LAMTOR4: variants seen among roughly 807,000 people sequenced by gnomAD.
LAMTOR4 encodes the protein ragulator complex protein LAMTOR4.
A neutral mutation model predicts 13.5 loss-of-function variants in LAMTOR4; 11 were observed. The ratio of observed to expected loss-of-function variants is 0.82; its 90% CI spans 0.51 to 1.35. The LOEUF (loss-of-function observed/expected upper bound fraction) is 1.35. Ranked by LOEUF, LAMTOR4 falls within the 40% of genes most tolerant of loss-of-function variation. LAMTOR4 has a pLI of 0.00. For missense variants in LAMTOR4, 128 were observed against 126.2 expected, an observed-to-expected ratio of 1.01 and a Z score of -0.07; for synonymous variants, 69 against 52.3, an observed-to-expected ratio of 1.32 and a Z score of -1.38.
intron 2 of LAMTOR4, among the ~76,000 whole-genome samples, chr7:100,151,247 G>T (rs1798689816): frequency 1.3e-5 from 2 of 150,836 alleles, no homozygotes; most frequent in African/African-American, 4.9e-5. Context: ...GCTAATTTTT[G>T]TATTTTTAGT....
At position 100,151,001 on chromosome 7, in the gene LAMTOR4, A is replaced by C. The variant is rs532084643; in HGVS notation, c.84+1422A>C. Among the ~76,000 whole-genome samples the C allele has an allele frequency of 2.1e-4, 32 of 151,690 alleles. No homozygotes were observed. In the South Asian group the frequency reaches 3.3e-3, roughly 16 times the overall value. ...AAGACTCCGTCTCAAAAAAAACAAA[A>C]AAAAAAAGAGATGAGACTGGGCAAG... On this transcript the variant is annotated intron_variant, in intron 2 of 3. Transcript: ENST00000341942.
rs1461400217 is a variant in LAMTOR4, at chr7:100,153,782, C to T, written c.203-85C>T. 4 of 950,784 alleles carry T rather than the reference C, an allele frequency of 4.2e-6. No individual in the cohort carries two copies. In the East Asian group the frequency reaches 1.0e-4, roughly 25 times the overall value. 58.9% of individuals were successfully genotyped at this position (950,784 alleles called of 1,614,324 possible). ...TTGATCCCAGCCAATGTGCGTGTGG[C>T]CCCGCCCCATGGAGTCTGTTGCACC... On this transcript the variant is annotated intron_variant, in intron 3 of 3. Coordinates refer to ENST00000341942, the MANE Select transcript of LAMTOR4 (RefSeq NM_001008395.4).
At position 100,154,132 on chromosome 7, in the gene LAMTOR4, G is replaced by A; in HGVS notation, c.*168G>A. 1.7e-6 allele frequency: 1 copy of A among 604,394 alleles called. No individual in the cohort carries two copies. Among genetic ancestry groups the A allele is most frequent in the Non-Finnish European group, 3.0e-6 (1 of 334,938 alleles). 37.4% of individuals were successfully genotyped at this position (604,394 alleles called of 1,614,324 possible). On this transcript the variant is annotated 3_prime_UTR_variant, in exon 4 of 4. Coordinates refer to ENST00000341942, the MANE Select transcript of LAMTOR4 (RefSeq NM_001008395.4). ...GCTTGGGGACTCTGAGCTGTGTTAAGGAGAACAAGGGCAAGGAGACCTCCC... is the reference window on the plus strand; with the variant it reads ...GCTTGGGGACTCTGAGCTGTGTTAAAGAGAACAAGGGCAAGGAGACCTCCC...
chr7:100,153,626 G>A (rs1371015189), intron 3 of LAMTOR4, 109 bp downstream of exon 3: 1 of 1,010,418 alleles, frequency 9.9e-7, no homozygotes, highest in Admixed American at 1.7e-5. Flanking sequence ...GGGGTCTCTG[G>A]TCTGGCCACT....
intron 2 of LAMTOR4, among the ~76,000 whole-genome samples, chr7:100,150,801 C>T (rs1423103355): frequency 4.0e-5 from 6 of 151,702 alleles, no homozygotes; most frequent in South Asian, 2.1e-4. Flanking sequence ...CTGGCCAACA[C>T]GGTGAAACCC....
chr7:100,153,513 G>T lies in LAMTOR4; in HGVS notation c.198G>T (p.Leu66=), dbSNP rs1322768106. The T allele has an allele frequency of 6.2e-7, 1 of 1,606,268 alleles. No individual in the cohort carries two copies. Among genetic ancestry groups the T allele is most frequent in the Admixed American group, 1.7e-5 (1 of 60,016 alleles). ...HRGMNVPFKR[L]SVVFGEHTLL... ...GCATGAATGTGCCCTTCAAGCGCCTGTCTGGTGAGCCCCTGCCCCTGCCCT... is the reference window on the plus strand; with the variant it reads ...GCATGAATGTGCCCTTCAAGCGCCTTTCTGGTGAGCCCCTGCCCCTGCCCT... The change falls in exon 3 of 4, where the codon CTG becomes CTT. Residue 66 remains leucine (L), a synonymous_variant. Transcript: ENST00000341942.
At chr7:100,151,097 CAG>C (rs1798685243) in intron 2 of LAMTOR4, among the ~76,000 whole-genome samples, 2 of 151,180 alleles carry the variant, frequency 1.3e-5, no homozygotes, top group African/African-American at 4.9e-5. Context: ...TTTTTTGAGA[CAG>C]AGTCTCGCTC....
At chr7:100,149,670 G>T in intron 2 of LAMTOR4, 91 bp downstream of exon 2, 1 of 979,334 alleles carries the variant, frequency 1.0e-6, no homozygotes, top group Non-Finnish European at 1.6e-6. Context: ...CTTTTATCTG[G>T]TTTCCTGCCT....
At chr7:100,149,754 A>C in intron 2 of LAMTOR4, 175 bp downstream of exon 2, 1 of 547,572 alleles carries the variant, frequency 1.8e-6, no homozygotes, top group Non-Finnish European at 3.3e-6. Context: ...GTGGAATCTT[A>C]GTCTCCTAAC....
At chr7:100,153,333 T>C in intron 2 of LAMTOR4, 67 bp from the exon 3 acceptor site, 1 of 1,119,200 alleles carries the variant, frequency 8.9e-7, no homozygotes, top group Non-Finnish European at 1.3e-6. Context: ...AAGGGGACTG[T>C]GCCTGGAATT....
At chr7:100,153,834 C>T (rs1399795452) in intron 3 of LAMTOR4, 33 bp from the exon 4 acceptor site, 11 of 1,478,546 alleles carry the variant, frequency 7.4e-6, no homozygotes, top group Admixed American at 5.9e-5. Context: ...CCTTCCCTCT[C>T]CTGGGGCGGG....
intron 2 of LAMTOR4, among the ~76,000 whole-genome samples, chr7:100,150,937 C>T (rs1026668254): frequency 1.4e-5 from 2 of 147,936 alleles, no homozygotes; most frequent in East Asian, 2.0e-4. Flanking sequence ...TGCAGTTAGC[C>T]GAGATCACAC....
At chr7:100,152,136 G>A (rs760646516) in intron 2 of LAMTOR4, among the ~76,000 whole-genome samples, 12 of 152,318 alleles carry the variant, frequency 7.9e-5, no homozygotes, top group Non-Finnish European at 1.0e-4. Context: ...ATGTCCCTGC[G>A]TGGTGGCTCA....
intron 3 of LAMTOR4, 87 bp from the exon 4 acceptor site, chr7:100,153,780 G>A: frequency 2.1e-6 from 2 of 948,060 alleles, no homozygotes; most frequent in South Asian, 2.8e-5. Flanking sequence ...ATGTGCGTGT[G>A]GCCCCGCCCC....
Position 100,153,952 on chromosome 7 carries a change from C to T in LAMTOR4, c.288C>T (p.Pro96=). The T allele has an allele frequency of 6.3e-7, 1 of 1,586,520 alleles. No individual in the cohort carries two copies. The highest frequency in any genetic ancestry group is 8.6e-7 in the Non-Finnish European group (1 of 1,166,768). Residue 96 remains proline (P), a synonymous_variant, in exon 4 of 4, where the codon CCC becomes CCT. Transcript: ENST00000341942. ...VVKRQNRGRE[P]IDV is the part of the protein sequence containing the mutation. ...AGAGGCAGAACCGAGGTCGGGAGCC[C>T]ATTGATGTCTGAGCCTGCCGGAGGG...
At chr7:100,153,610 T>C (rs1483592841) in intron 3 of LAMTOR4, 93 bp downstream of exon 3, 1 of 1,108,924 alleles carries the variant, frequency 9.0e-7, no homozygotes, top group South Asian at 1.2e-5. Flanking sequence ...CCTCCTACCA[T>C]CTCCTGGGGT....
chr7:100,153,913 G>A lies in LAMTOR4; in HGVS notation c.249G>A (p.Arg83=). The change falls in exon 4 of 4, where the codon AGG becomes AGA. Residue 83 remains arginine, a synonymous_variant. Coordinates refer to ENST00000341942, the MANE Select transcript of LAMTOR4 (RefSeq NM_001008395.4). ...TGCTGGTGACGGTGTCAGGACAGAGGGTGTTTGTGGTGAAGAGGCAGAACC... is the reference window on the plus strand; with the variant it reads ...TGCTGGTGACGGTGTCAGGACAGAGAGTGTTTGTGGTGAAGAGGCAGAACC... The part of the protein sequence containing the change: ...HTLLVTVSGQ[R]VFVVKRQNRG... The A allele has an allele frequency of 1.3e-6, 2 of 1,595,574 alleles. No homozygotes were observed. The highest frequency in any genetic ancestry group is 1.7e-6 in the Non-Finnish European group (2 of 1,171,806).
chr7:100,153,138 C>G (rs370482088), intron 2 of LAMTOR4, among the ~76,000 whole-genome samples: 1 of 149,348 alleles, frequency 6.7e-6, no homozygotes, highest in African/African-American at 2.5e-5. Flanking sequence ...AACGAGATTC[C>G]GTCTCAAAAA....
chr7:100,153,655 C>T (rs1798789248), intron 3 of LAMTOR4, 138 bp downstream of exon 3: 1 of 835,938 alleles, frequency 1.2e-6, no homozygotes, highest in East Asian at 2.5e-5. Context: ...TTTGGGACTC[C>T]CTGGTATCAG....
Sources: allele counts gnomAD v4.1 joint callset (sites outside exome capture counted in the v4.1 genomes callset), GRCh38; gene constraint gnomAD v4.1.1; transcripts MANE v1.5; gene names NCBI Gene and HGNC (gene_info 2026-07-23, HGNC 2026-07-21).